The following SSBP2 variants were observed in gnomAD, a reference collection of about 807,000 sequenced individuals.
The protein encoded by SSBP2 is single-stranded DNA-binding protein 2.
Under a neutral mutation model 61.8 loss-of-function variants are expected in SSBP2, and 17 were observed. That is an observed-to-expected ratio of 0.28 (90% CI 0.19 to 0.41). SSBP2 has a LOEUF of 0.41. Among genes scored for constraint, SSBP2 ranks in the 10% least tolerant of loss-of-function variants. The probability of loss-of-function intolerance (pLI) is 1.00; values close to 1 mark genes in which losing one functional copy is unlikely to be tolerated. For synonymous variants in SSBP2, 139 were observed against 141.3 expected (o/e 0.98, Z 0.12); for missense variants, 310 against 458.7 (o/e 0.68, Z 2.96).
At chr5:81,583,890 T>C (rs1774872846) in intron 4 of SSBP2, among the ~76,000 whole-genome samples, 2 of 152,206 alleles carry the variant, frequency 1.3e-5, no homozygotes, top group Non-Finnish European at 2.9e-5. Flanking sequence ...CTTCATCAAA[T>C]GTAGTTTTCC....
chr5:81,746,506 AG>A (rs369164146), intron 1 of SSBP2, among the ~76,000 whole-genome samples: 25 of 152,190 alleles, frequency 1.6e-4, no homozygotes, highest in African/African-American at 6.0e-4. Flanking sequence ...TTTTCTTTGC[AG>A]GGGGTACCTT....
intron 5 of SSBP2, among the ~76,000 whole-genome samples, chr5:81,497,798 G>A (rs1767402538): frequency 6.6e-6 from 1 of 152,114 alleles, no homozygotes; most frequent in Admixed American, 6.5e-5. Context: ...GTTTCTGGGT[G>A]ACAGGGTTGA....
At chr5:81,562,292 T>C (rs1409413385) in intron 4 of SSBP2, among the ~76,000 whole-genome samples, 1 of 152,230 alleles carries the variant, frequency 6.6e-6, no homozygotes, top group African/African-American at 2.4e-5. Flanking sequence ...CCACTGTTAC[T>C]ACTTATTTTC....
chr5:81,435,664 T>TTA (rs1245108142), intron 15 of SSBP2, among the ~76,000 whole-genome samples: 1 of 152,104 alleles, frequency 6.6e-6, no homozygotes, highest in Non-Finnish European at 1.5e-5. Flanking sequence ...TTTTAAACTT[T>TTA]TATAAATTAT....
intron 4 of SSBP2, among the ~76,000 whole-genome samples, chr5:81,572,230 G>A (rs1042665355): frequency 1.3e-5 from 2 of 152,126 alleles, no homozygotes; most frequent in South Asian, 4.1e-4. Flanking sequence ...CTGAGTAATT[G>A]TAAGAATGTT....
chr5:81,421,274 C>T (rs1404819114), intron 16 of SSBP2, among the ~76,000 whole-genome samples: 1 of 152,120 alleles, frequency 6.6e-6, no homozygotes, highest in East Asian at 1.9e-4. Flanking sequence ...TCACTGCAAC[C>T]CTGACCTTCC....
At chr5:81,523,046 T>C (rs932143004) in intron 4 of SSBP2, among the ~76,000 whole-genome samples, 20 of 152,032 alleles carry the variant, frequency 1.3e-4, no homozygotes, top group South Asian at 6.2e-4. Context: ...GATCTAAATA[T>C]TGTAGCTGGT....
Position 81,664,784 on chromosome 5 carries a change from T to C in SSBP2, c.63-14445A>G, listed in dbSNP as rs183478249. Among the ~76,000 whole-genome samples, 714 of 152,280 alleles carry C rather than the reference T, an allele frequency of 4.7e-3. 3 individuals carry two copies. Among genetic ancestry groups the C allele is most frequent in the South Asian group, 9.5e-3 (46 of 4,828 alleles). On this transcript the variant is annotated intron_variant, in intron 1 of 16. Transcript: ENST00000320672. Reference sequence around the variant, plus strand: ...GACAGATTTTTGGTGTTTTCTTTGTTGTGTTTTATTAAAAAGATCCTCAAA... The same window carrying C: ...GACAGATTTTTGGTGTTTTCTTTGTCGTGTTTTATTAAAAAGATCCTCAAA...
intron 4 of SSBP2, among the ~76,000 whole-genome samples, chr5:81,587,819 T>C (rs1244602154): frequency 3.3e-5 from 5 of 151,352 alleles, no homozygotes; most frequent in East Asian, 3.9e-4. Context: ...AGATGTAAGA[T>C]AGCGAAAGGG....
At chr5:81,650,416 G>T in intron 1 of SSBP2, 77 bp from the exon 2 acceptor site, 2 of 1,033,158 alleles carry the variant, frequency 1.9e-6, no homozygotes, top group African/African-American at 1.7e-5. Context: ...TCTTTCCATT[G>T]CTGAAATATC....
chr5:81,554,841 G>A (rs889816229), intron 4 of SSBP2, among the ~76,000 whole-genome samples: 5 of 152,046 alleles, frequency 3.3e-5, no homozygotes, highest in Non-Finnish European at 7.4e-5. Context: ...AAATAAAAAT[G>A]TGTTGACTTA....
intron 2 of SSBP2, among the ~76,000 whole-genome samples, chr5:81,639,624 CAAAA>C (rs879913101): frequency 7.4e-6 from 1 of 134,562 alleles, no homozygotes; most frequent in Non-Finnish European, 1.6e-5. Context: ...AGAAAGATCT[CAAAA>C]AAAAAAAACT....
At chr5:81,633,649 A>T (rs1006926909) in intron 3 of SSBP2, among the ~76,000 whole-genome samples, 13 of 152,056 alleles carry the variant, frequency 8.5e-5, no homozygotes, top group African/African-American at 2.9e-4. Context: ...GTTACTATAG[A>T]CACGCACCAC....
rs150854525 is a variant in SSBP2, at chr5:81,550,380, C to T, written c.283-36663G>A. 5.2e-4 allele frequency among the ~76,000 whole-genome samples: 79 copies of T among 152,268 alleles called. No individual in the cohort carries two copies. In the East Asian group the frequency reaches 7.9e-3, roughly 15 times the overall value. On this transcript the variant is annotated intron_variant, in intron 4 of 16. Coordinates refer to ENST00000320672, the MANE Select transcript of SSBP2 (RefSeq NM_012446.5). ...TATTATCTAACAAAACCTCATTCAG[C>T]ACCTTAGACTTAACAGCTAGATGTT... is the stretch of plus-strand genomic sequence containing the variant.
intron 1 of SSBP2, among the ~76,000 whole-genome samples, chr5:81,708,298 G>A (rs993145923): frequency 6.6e-6 from 1 of 152,120 alleles, no homozygotes; most frequent in Non-Finnish European, 1.5e-5. Context: ...TATGCATATA[G>A]TACAATACAG....
intron 4 of SSBP2, among the ~76,000 whole-genome samples, chr5:81,572,429 C>T (rs2153449468): frequency 6.6e-6 from 1 of 152,228 alleles, no homozygotes; most frequent in South Asian, 2.1e-4. Context: ...TGCCAAAAAA[C>T]ATTCTGACTC....
intron 14 of SSBP2, 195 bp from the exon 15 acceptor site, chr5:81,437,653 A>C (rs1388885303): frequency 7.6e-6 from 3 of 396,240 alleles, no homozygotes; most frequent in Non-Finnish European, 9.2e-6. Flanking sequence ...AAATGCAAGG[A>C]GTTCTATCCT....
intron 4 of SSBP2, among the ~76,000 whole-genome samples, chr5:81,573,904 G>A (rs1774011838): frequency 1.3e-5 from 2 of 152,120 alleles, no homozygotes; most frequent in South Asian, 4.1e-4. Context: ...ACTTTGGGAG[G>A]CCGAGGCAGG....
rs187026647 is a variant in SSBP2, at chr5:81,457,251, T to C, written c.687+3804A>G. 3.1e-3 allele frequency among the ~76,000 whole-genome samples: 475 copies of C among 152,300 alleles called. 2 individuals carry two copies. The highest frequency in any genetic ancestry group is 1.0e-2 in the African/African-American group (414 of 41,542). On this transcript the variant is annotated intron_variant, in intron 10 of 16. Coordinates refer to ENST00000320672, the MANE Select transcript of SSBP2 (RefSeq NM_012446.5). ...ACTTAAAGGGGAAAACTTTGAACAA[T>C]TTTAGCATCCTAAACCCACAGAATA...
Sources: gnomAD v4.1 joint callset for allele counts (sites outside exome capture counted in the v4.1 genomes callset) on GRCh38, gnomAD v4.1.1 for gene constraint, MANE v1.5 for transcripts, NCBI Gene and HGNC (gene_info 2026-07-23, HGNC 2026-07-21) for gene names.